Variants in ARHGAP32 observed in about 807,000 individuals in gnomAD.
The protein encoded by ARHGAP32 is rho GTPase-activating protein 32.
A neutral mutation model predicts 186.5 loss-of-function variants in ARHGAP32; 51 were observed. The ratio of observed to expected loss-of-function variants is 0.27; its 90% confidence interval spans 0.22 to 0.35. The LOEUF (loss-of-function observed/expected upper bound fraction) is 0.35, where lower values mean the gene tolerates loss of function less well. Among genes scored for constraint, ARHGAP32 ranks in the 10% least tolerant of loss-of-function variants. The pLI, the probability that ARHGAP32 is intolerant of heterozygous loss-of-function variation, is 1.00. For missense variants in ARHGAP32, 2,186 were observed against 2,623.5 expected (o/e 0.83, Z 3.64); for synonymous variants, 950 against 964.3 (o/e 0.99, Z 0.27).
At chr11:129,264,583 A>G (rs959592699) in intron 1 of ARHGAP32, among the ~76,000 whole-genome samples, 1 of 152,204 alleles carries the variant, frequency 6.6e-6, no homozygotes, top group African/African-American at 2.4e-5. Context: ...GTGAAACAGA[A>G]TCCTGAGTTA....
chr11:129,193,611 ATATATGT>A (rs1944330780), upstream of ARHGAP32, among the ~76,000 whole-genome samples: 1 of 77,346 alleles, frequency 1.3e-5, no homozygotes, highest in East Asian at 3.7e-4. Context: ...ATAATATATA[ATATATGT>A]TATATAATAT....
rs574102715 is a variant in ARHGAP32 at position 129,270,023 on chromosome 11, C to T, written c.-5+9123G>A. Among the ~76,000 whole-genome samples the T allele has an allele frequency of 1.1e-4, 17 of 151,460 alleles. No homozygotes were observed. The South Asian group carries it at 3.6e-3, about 32-fold the overall frequency. On this transcript the variant is annotated intron_variant, in intron 1 of 6. Coordinates refer to the ARHGAP32 transcript ENST00000525234. ...GCAATCGCATGCTTAGGTATTTACA[C>T]AAGATGAAAACTTACTTATTAAAAA... is the stretch of plus-strand genomic sequence containing the variant.
intron 2 of ARHGAP32, among the ~76,000 whole-genome samples, chr11:129,133,623 C>T (rs578075024): frequency 3.9e-5 from 6 of 152,240 alleles, no homozygotes; most frequent in Non-Finnish European, 5.9e-5. Flanking sequence ...CTATACAATT[C>T]GGAAAGAACT....
intron 2 of ARHGAP32, among the ~76,000 whole-genome samples, chr11:129,160,188 G>C (rs1398065598): frequency 6.6e-6 from 1 of 152,138 alleles, no homozygotes; most frequent in Non-Finnish European, 1.5e-5. Context: ...TTGAAAATCA[G>C]CACAAGACAA....
chr11:128,969,754 A>C lies in ARHGAP32; in HGVS notation c.5459T>G (p.Val1820Gly). Reference protein sequence around the residue: ...SDPGKTGLLSVAEGKESRHAA... With the variant: ...SDPGKTGLLSGAEGKESRHAA... ...ATGGCGGCTCTCCTTTCCTTCTGCC[A>C]CTGAGAGAAGTCCAGTTTTCCCAGG... The change falls in exon 23 of 23, where the codon GTG becomes GGG. Residue 1820 changes from valine (V) to glycine (G), a missense_variant. Around this residue, in one of 5 missense-constraint regions of ARHGAP32, gnomAD observed 1,502 missense variants for 1,570.0 expected, o/e 0.96. Coordinates refer to ENST00000682385, the MANE Select transcript of ARHGAP32 (RefSeq NM_001378024.1). The surrounding 1 kb of genome is among the most constrained non-coding windows in gnomAD (Gnocchi z 4.8). 2.5e-6 allele frequency: 4 copies of C among 1,613,986 alleles called. No individual in the cohort carries two copies. The highest frequency in any genetic ancestry group is 3.4e-6 in the Non-Finnish European group (4 of 1,180,000).
chr11:129,193,667 T>TATATATAATATATATTATATATTATATA (rs1944339180), upstream of ARHGAP32, among the ~76,000 whole-genome samples: 5 of 47,224 alleles, frequency 1.1e-4, no homozygotes, highest in South Asian at 1.7e-3. Flanking sequence ...CAATATATAT[T>TATATATAATATATATTATATATTATATA]ATATATAATA....
chr11:128,982,035 T>C (rs1945718081), intron 15 of ARHGAP32, 99 bp from the exon 16 acceptor site: 1 of 717,580 alleles, frequency 1.4e-6, no homozygotes, highest in Admixed American at 3.3e-5. Flanking sequence ...AATAGCAAAA[T>C]GAAGAAAGGG....
At chr11:129,161,191 C>G (rs1490512930) in intron 2 of ARHGAP32, among the ~76,000 whole-genome samples, 2 of 151,792 alleles carry the variant, frequency 1.3e-5, no homozygotes, top group African/African-American at 4.8e-5. Flanking sequence ...GACCTAAAAC[C>G]ATAAAAACCC....
chr11:129,068,014 A>G (rs1940751746), intron 6 of ARHGAP32, among the ~76,000 whole-genome samples: 1 of 152,096 alleles, frequency 6.6e-6, no homozygotes, highest in South Asian at 2.1e-4. Flanking sequence ...CCTTGGCTGA[A>G]AGGCAGAGAA....
At chr11:129,198,547 G>A (rs528945843) in intron 1 of ARHGAP32, among the ~76,000 whole-genome samples, 97 of 152,250 alleles carry the variant, frequency 6.4e-4, no homozygotes, top group Non-Finnish European at 3.4e-4. Flanking sequence ...CACCCCTGTC[G>A]CTTGGCTCTT....
At chr11:129,235,900 AACAC>A (rs57291313) in intron 1 of ARHGAP32, among the ~76,000 whole-genome samples, 2,574 of 145,698 alleles carry the variant, frequency 0.018, 55 homozygotes, top group South Asian at 0.042. Flanking sequence ...GTCATTCATA[AACAC>A]ACACACACAC....
intron 1 of ARHGAP32, among the ~76,000 whole-genome samples, chr11:129,239,253 T>C (rs190643079): frequency 2.0e-5 from 3 of 152,344 alleles, no homozygotes; most frequent in Admixed American, 2.0e-4. Context: ...TTTGCCCTTT[T>C]CCAGAACATT....
intron 2 of ARHGAP32, among the ~76,000 whole-genome samples, chr11:129,160,910 C>T (rs991432700): frequency 2.0e-5 from 3 of 152,102 alleles, no homozygotes; most frequent in African/African-American, 7.2e-5. Context: ...TCAAACTACA[C>T]AAGGCTACAG....
At chr11:128,992,558 C>A (rs901019464) in intron 12 of ARHGAP32, among the ~76,000 whole-genome samples, 1 of 151,962 alleles carries the variant, frequency 6.6e-6, no homozygotes, top group African/African-American at 2.4e-5. Flanking sequence ...AGGTAGATCA[C>A]CTGAGGTCAG....
chr11:129,261,686 C>T (rs755810762), intron 1 of ARHGAP32, among the ~76,000 whole-genome samples: 16 of 152,186 alleles, frequency 1.1e-4, no homozygotes, highest in Non-Finnish European at 4.4e-5. Context: ...TCAGGAAATA[C>T]TCTTAAGTAA....
chr11:129,063,048 TCTTC>T (rs1940565310), intron 9 of ARHGAP32, among the ~76,000 whole-genome samples: 1 of 132,060 alleles, frequency 7.6e-6, no homozygotes, highest in African/African-American at 2.7e-5. Context: ...GAAGTTATAT[TCTTC>T]AATCAAAAGA....
upstream of ARHGAP32, among the ~76,000 whole-genome samples, chr11:129,279,537 G>C (rs972677194): frequency 2.1e-5 from 3 of 144,976 alleles, no homozygotes; most frequent in Non-Finnish European, 3.1e-5. Flanking sequence ...CCAGCTGGCC[G>C]GCGCGTGCCC....
At chr11:129,173,905 G>GA (rs983060346) in intron 1 of ARHGAP32, among the ~76,000 whole-genome samples, 2 of 152,074 alleles carry the variant, frequency 1.3e-5, no homozygotes, top group African/African-American at 2.4e-5. Context: ...AAAAAAGCAA[G>GA]AAAAAATGTA....
chr11:129,233,858 A>G (rs1428727880), intron 1 of ARHGAP32, among the ~76,000 whole-genome samples: 2 of 152,100 alleles, frequency 1.3e-5, no homozygotes, highest in Non-Finnish European at 2.9e-5. Flanking sequence ...ACTATGCAAT[A>G]TACAGTTTTA....
Sources: allele counts gnomAD v4.1 joint callset (sites outside exome capture counted in the v4.1 genomes callset), GRCh38; gene constraint gnomAD v4.1.1; regional missense constraint gnomAD v4.1.1; non-coding constraint Gnocchi (gnomAD v3.1); transcripts MANE v1.5; gene names NCBI Gene and HGNC (gene_info 2026-07-23, HGNC 2026-07-21).